Variants in FAM53A observed in about 807,000 individuals in gnomAD.
FAM53A encodes the protein family with sequence similarity 53 member A.
In FAM53A, 28 loss-of-function variants were observed where a neutral mutation model predicts 26.6. That is an observed-to-expected ratio of 1.05 (90% CI 0.78 to 1.45). The LOEUF is 1.45. Among genes scored for constraint, FAM53A ranks in the 40% most tolerant of loss-of-function variants. The probability of loss-of-function intolerance (pLI) is 0.00; values close to 1 mark genes in which losing one functional copy is unlikely to be tolerated. For synonymous variants in FAM53A, 290 were observed against 253.1 expected (o/e 1.15, Z -1.38); for missense variants, 650 against 575.8 (o/e 1.13, Z -1.32).
At chr4:1,677,465 C>A (rs952485274) in intron 1 of FAM53A, among the ~76,000 whole-genome samples, 1 of 152,218 alleles carries the variant, frequency 6.6e-6, no homozygotes, top group East Asian at 1.9e-4. Flanking sequence ...ATGCCCATGT[C>A]GGGACCTGTC....
chr4:1,596,366 G>T, the FAM53A span, among the ~76,000 whole-genome samples: 1 of 152,208 alleles, frequency 6.6e-6, no homozygotes, highest in Non-Finnish European at 1.5e-5. Context: ...TTCACATACA[G>T]TTATGAGAAA....
the FAM53A span, among the ~76,000 whole-genome samples, chr4:1,599,136 C>T: frequency 1.1e-4 from 16 of 150,012 alleles, no homozygotes; most frequent in African/African-American, 3.8e-4. The surrounding 1 kb of genome is among the most constrained non-coding windows in gnomAD (Gnocchi z 6.1). Context: ...TTCACCGAGG[C>T]CAGGGGATCC....
At chr4:1,619,826 G>A (rs1043011939) in intron 1 of FAM53A, among the ~76,000 whole-genome samples, 5 of 152,194 alleles carry the variant, frequency 3.3e-5, no homozygotes, top group Non-Finnish European at 7.3e-5. Context: ...GCCCACACTG[G>A]CACCTGGATC....
At position 1,640,820 on chromosome 4, in the gene FAM53A, G is replaced by T. The variant is rs3752742; in HGVS notation, c.*473C>A. On this transcript the variant is annotated 3_prime_UTR_variant, in exon 5 of 5. Transcript: ENST00000308132. ...CAGGAAACCTACTCTGTGCCCCGGG[G>T]CAGGTGCAGGCGGCAGCCATGGCCC... 0.066 allele frequency: 26,155 copies of T among 395,070 alleles called. 1,290 individuals carry two copies. Among genetic ancestry groups the T allele is most frequent in the Middle Eastern group, 0.13 (161 of 1,220 alleles). 24.5% of individuals were successfully genotyped at this position (395,070 alleles called of 1,614,324 possible).
At chr4:1,650,956 C>T (rs1026299637) in intron 4 of FAM53A, among the ~76,000 whole-genome samples, 30 of 151,616 alleles carry the variant, frequency 2.0e-4, no homozygotes, top group African/African-American at 6.3e-4. Context: ...CAGTGGCTCA[C>T]GCCTGTAATC....
At chr4:1,680,334 A>AC (rs1715343296) in intron 1 of FAM53A, among the ~76,000 whole-genome samples, 1 of 149,830 alleles carries the variant, frequency 6.7e-6, no homozygotes, top group African/African-American at 2.5e-5. Flanking sequence ...AAAAAAAAAA[A>AC]AAAAAAAAAA....
chr4:1,576,233 C>T, the FAM53A span, among the ~76,000 whole-genome samples: 9 of 152,368 alleles, frequency 5.9e-5, no homozygotes, highest in South Asian at 1.9e-3. Context: ...CTGCCTTCAT[C>T]CTCTTTGTGC....
intron 1 of FAM53A, among the ~76,000 whole-genome samples, chr4:1,632,472 C>G (rs1443703031): frequency 1.3e-5 from 2 of 152,204 alleles, no homozygotes; most frequent in Non-Finnish European, 2.9e-5. Flanking sequence ...GTGCAGTATT[C>G]TGACATGGAC....
the FAM53A span, among the ~76,000 whole-genome samples, chr4:1,595,717 G>A: frequency 7.9e-5 from 12 of 152,234 alleles, no homozygotes; most frequent in Admixed American, 2.6e-4. Context: ...AGCCAGGCCC[G>A]GTCCCCAGTC....
chr4:1,674,192 G>A (rs1295569785), intron 1 of FAM53A, among the ~76,000 whole-genome samples: 5 of 152,266 alleles, frequency 3.3e-5, no homozygotes, highest in African/African-American at 9.6e-5. Context: ...GTTTCCAGGG[G>A]CTCTGGGAGT....
chr4:1,599,487 G>A, the FAM53A span, among the ~76,000 whole-genome samples: 1 of 152,212 alleles, frequency 6.6e-6, no homozygotes, highest in Non-Finnish European at 1.5e-5. This position sits in a 1 kb window ranked among gnomAD's most constrained non-coding sequence, Gnocchi z 6.1. Flanking sequence ...CACGGGAGCA[G>A]CACTGGACAG....
the FAM53A span, among the ~76,000 whole-genome samples, chr4:1,601,698 T>C: frequency 1.8e-5 from 2 of 109,714 alleles, 1 homozygote; most frequent in Admixed American, 2.0e-4. Flanking sequence ...TTGTCTCTCC[T>C]GCCCTCCCCT....
At chr4:1,633,298 A>C (rs937519267) in intron 1 of FAM53A, among the ~76,000 whole-genome samples, 1 of 152,256 alleles carries the variant, frequency 6.6e-6, no homozygotes, top group Non-Finnish European at 1.5e-5. Flanking sequence ...AGGTCTAAAG[A>C]AGCAGCCAGA....
chr4:1,684,449 G>C (rs562878909), upstream of FAM53A: 1 of 150,098 alleles, frequency 6.7e-6, no homozygotes, highest in African/African-American at 2.4e-5. Flanking sequence ...CGCCGACGGA[G>C]GGGGCGGGGC....
At chr4:1,657,203 G>A (rs549453787) in intron 3 of FAM53A, among the ~76,000 whole-genome samples, 2 of 152,332 alleles carry the variant, frequency 1.3e-5, no homozygotes, top group Admixed American at 6.5e-5. Flanking sequence ...TACACGAGCC[G>A]TCCTGCTCAC....
intron 2 of FAM53A, among the ~76,000 whole-genome samples, chr4:1,667,129 A>G (rs1271893226): frequency 2.0e-5 from 3 of 148,524 alleles, no homozygotes; most frequent in Admixed American, 1.3e-4. Flanking sequence ...CTCCATCTCA[A>G]AAAAAAAAAA....
chr4:1,626,650 G>A (rs1056213253), intron 1 of FAM53A, among the ~76,000 whole-genome samples: 13 of 146,832 alleles, frequency 8.9e-5, no homozygotes, highest in South Asian at 2.2e-4. Context: ...TCTCAGCCAC[G>A]GCCATGCCCT....
chr4:1,685,811 A>C (rs1220070007), upstream of FAM53A, among the ~76,000 whole-genome samples: 2 of 152,174 alleles, frequency 1.3e-5, no homozygotes, highest in African/African-American at 4.8e-5. Context: ...TGTGACATGG[A>C]CCAGAGCAGA....
At chr4:1,591,067 G>T in the FAM53A span, among the ~76,000 whole-genome samples, 1 of 140,886 alleles carries the variant, frequency 7.1e-6, no homozygotes, top group African/African-American at 2.6e-5. Flanking sequence ...TTTGTCTTTT[G>T]TGATTTTTTG....
Sources: allele counts gnomAD v4.1 joint callset (sites outside exome capture counted in the v4.1 genomes callset), GRCh38; gene constraint gnomAD v4.1.1; non-coding constraint Gnocchi (gnomAD v3.1); transcripts MANE v1.5; gene names NCBI Gene and HGNC (gene_info 2026-07-23, HGNC 2026-07-21).